Variants in GPANK1 observed in about 807,000 individuals in gnomAD.
The protein encoded by GPANK1 is G patch domain and ankyrin repeat-containing protein 1.
In GPANK1, 22 loss-of-function variants were observed where a neutral mutation model predicts 24.0. The ratio of observed to expected loss-of-function variants is 0.92; its 90% CI spans 0.66 to 1.31. The LOEUF (loss-of-function observed/expected upper bound fraction) is 1.31. Among genes scored for constraint, GPANK1 ranks in the 50% most tolerant of loss-of-function variants. The pLI is 0.00. For missense variants in GPANK1, 469 were observed against 453.5 expected, an observed-to-expected ratio of 1.03 and a Z score of -0.31; for synonymous variants, 174 against 177.4, an observed-to-expected ratio of 0.98 and a Z score of 0.15.
At position 31,662,366 on chromosome 6, in the gene GPANK1, G is replaced by A. The variant is rs759220840; in HGVS notation, c.971C>T (p.Pro324Leu). The A allele has an allele frequency of 4.3e-6, 7 of 1,612,328 alleles. No individual in the cohort carries two copies. The highest frequency in any genetic ancestry group is 5.9e-6 in the Non-Finnish European group (7 of 1,179,638). ...CCTCCAGCTCAGTGTGGCCACCCGA[G>A]GGGGTCTCTCCCTCCCAGCCACAGC... The part of the protein sequence containing the change: ...TRAVAGRERP[P>L]RVATLSWREE... Residue 324 changes from proline (P) to leucine (L), a missense_variant, in exon 3 of 3, where the codon CCT becomes CTT. Coordinates refer to ENST00000375896, the MANE Select transcript of GPANK1 (RefSeq NM_033177.4). The surrounding 1 kb of genome is among the most constrained non-coding windows in gnomAD (Gnocchi z 5.5).
At chr6:31,665,984 G>A, upstream of GPANK1, 1 of 1,014,776 alleles carries the variant, frequency 9.9e-7, no homozygotes, top group Non-Finnish European at 1.2e-6. Context: ...CTCTCATTTA[G>A]CCAGTTTCTT....
chr6:31,666,259 C>T, upstream of GPANK1: 2 of 908,396 alleles, frequency 2.2e-6, no homozygotes, highest in African/African-American at 3.6e-5. Context: ...GGGAGCGGCA[C>T]ATGGGGTCTC....
chr6:31,665,846 C>T, upstream of GPANK1: 1 of 1,151,908 alleles, frequency 8.7e-7, no homozygotes, highest in African/African-American at 1.6e-5. Flanking sequence ...GACTCCCGGG[C>T]CCCGAACGCC....
rs1801253865 is a variant in GPANK1, at chr6:31,663,964, A to AC, written c.514dup (p.Val172GlyfsTer3). 5 of 1,613,652 alleles carry AC rather than the reference A, an allele frequency of 3.1e-6. No individual in the cohort carries two copies. The highest frequency in any genetic ancestry group is 2.7e-5 in the African/African-American group (2 of 74,782). On this transcript the variant is annotated frameshift_variant, in exon 2 of 3. Coordinates refer to ENST00000375896, the MANE Select transcript of GPANK1 (RefSeq NM_033177.4). LOFTEE classifies it high-confidence loss of function. ...CGCATCCCTGCCACTCAGCTCACAG[A>AC]CCCCCACCCAGGCAGCCCCACGGCC...
chr6:31,665,416 G>A (rs1325405848), upstream of GPANK1: 1 of 1,554,390 alleles, frequency 6.4e-7, no homozygotes, highest in Middle Eastern at 1.7e-4. Context: ...TCTGACCAGG[G>A]TTCGAAGGTC....
chr6:31,662,946 G>GT lies in GPANK1; in HGVS notation c.627-237_627-236insA, dbSNP rs1801090237. ...CAGCCTGGGCAAAATGGCAACGCCT[G>GT]CTTTTTTTTTTTTTTTTTTTGAGAT... On this transcript the variant is annotated intron_variant, in intron 2 of 2. Coordinates refer to ENST00000375896, the MANE Select transcript of GPANK1 (RefSeq NM_033177.4). This position sits in a 1 kb window ranked among gnomAD's most constrained non-coding sequence, Gnocchi z 5.5. Among the ~76,000 whole-genome samples the GT allele has an allele frequency of 7.2e-6, 1 of 138,144 alleles. No homozygotes were observed. The highest frequency in any genetic ancestry group is 1.5e-5 in the Non-Finnish European group (1 of 65,044). The allele number at this position is 138,144 out of a possible 152,430, so 90.6% of individuals were successfully genotyped here. A position where few individuals can be genotyped will look rare whatever the true frequency, so the allele number is the denominator to read the frequency against.
upstream of GPANK1, chr6:31,666,283 G>A: frequency 1.3e-6 from 1 of 777,788 alleles, no homozygotes; most frequent in Non-Finnish European, 1.6e-6. Context: ...ACTTTGATGT[G>A]GGGGCGGGGG....
Position 31,661,952 on chromosome 6 carries a change from G to C in GPANK1, c.*314C>G, listed in dbSNP as rs1466230864. ...TCCCAGGAGGGTCTGGGACCTGAAAGTGAACCCAGATTGGCAGGGAGGTGA... is the reference window on the plus strand; with the variant it reads ...TCCCAGGAGGGTCTGGGACCTGAAACTGAACCCAGATTGGCAGGGAGGTGA... On this transcript the variant is annotated 3_prime_UTR_variant, in exon 3 of 3. Transcript: ENST00000375896. The C allele has an allele frequency of 3.1e-6, 1 of 319,608 alleles. No homozygotes were observed. Among genetic ancestry groups the C allele is most frequent in the Non-Finnish European group, 5.7e-6 (1 of 176,604 alleles). 19.8% of individuals were successfully genotyped at this position (319,608 alleles called of 1,614,324 possible). A position where few individuals can be genotyped will look rare whatever the true frequency, so the allele number is the denominator to read the frequency against.
Position 31,664,303 on chromosome 6 carries a change from C to A in GPANK1, c.176G>T (p.Arg59Ile). 2 of 1,614,212 alleles carry A rather than the reference C, an allele frequency of 1.2e-6. No homozygotes were observed. The highest frequency in any genetic ancestry group is 1.7e-6 in the Non-Finnish European group (2 of 1,180,038). Reference protein sequence around the residue: ...GDESSAPDSQRSQTEPARERK... With the variant: ...GDESSAPDSQISQTEPARERK... ...TTCTCTGGCAGGTTCAGTCTGAGAT[C>A]TCTGGGAGTCAGGAGCGCTGCTCTC... Residue 59 changes from arginine to isoleucine, a missense_variant, in exon 2 of 3, where the codon AGA (arginine) becomes ATA (isoleucine). By Grantham distance (97) the Arg-to-Ile change is moderately conservative. Transcript: ENST00000375896.
chr6:31,664,491 A>G lies in GPANK1; in HGVS notation c.-13T>C. On this transcript the variant is annotated 5_prime_UTR_variant, in exon 2 of 3. Coordinates refer to ENST00000375896, the MANE Select transcript of GPANK1 (RefSeq NM_033177.4). Reference sequence around the variant, plus strand: ...AGGGCCGGGACATGGCTTTTGGGAGAACTGAGAAAATGATACCAGGCAAGG... The same window carrying G: ...AGGGCCGGGACATGGCTTTTGGGAGGACTGAGAAAATGATACCAGGCAAGG... 1 of 1,593,470 alleles carries G rather than the reference A, an allele frequency of 6.3e-7. No homozygotes were observed. Among genetic ancestry groups the G allele is most frequent in the Non-Finnish European group, 8.6e-7 (1 of 1,167,390 alleles).
At chr6:31,665,203 T>C, upstream of GPANK1, 1 of 533,508 alleles carries the variant, frequency 1.9e-6, no homozygotes, top group Non-Finnish European at 3.4e-6. Flanking sequence ...AGCACTAGGA[T>C]CTGTCGGTTG....
chr6:31,663,887 C>T lies in GPANK1; in HGVS notation c.592G>A (p.Glu198Lys). 6.3e-7 allele frequency: 1 copy of T among 1,596,632 alleles called. No homozygotes were observed. Among genetic ancestry groups the T allele is most frequent in the Non-Finnish European group, 8.5e-7 (1 of 1,171,090 alleles). The change falls in exon 2 of 3, where the codon GAG (glutamate) becomes AAG (lysine). Residue 198 changes from glutamate (E) to lysine (K), a missense_variant. Coordinates refer to ENST00000375896, the MANE Select transcript of GPANK1 (RefSeq NM_033177.4). Reference sequence around the variant, plus strand: ...GGGCTCCTTGTCTCTCCATGGCTCTCCCTGACCATGCGGGCTACCTCAGGG... The same window carrying T: ...GGGCTCCTTGTCTCTCCATGGCTCTTCCTGACCATGCGGGCTACCTCAGGG... ...GFPEVARMVRESHGETRSPEN... is the reference protein window; with the variant it reads ...GFPEVARMVRKSHGETRSPEN...
Position 31,662,631 on chromosome 6 carries a change from G to A in GPANK1, c.706C>T (p.His236Tyr). The A allele has an allele frequency of 1.2e-6, 2 of 1,612,758 alleles. No homozygotes were observed. Among genetic ancestry groups the A allele is most frequent in the Non-Finnish European group, 1.7e-6 (2 of 1,179,752 alleles). Residue 236 changes from histidine (H) to tyrosine (Y), a missense_variant, in exon 3 of 3, where the codon CAC (histidine) becomes TAC (tyrosine). Coordinates refer to ENST00000375896, the MANE Select transcript of GPANK1 (RefSeq NM_033177.4). The surrounding 1 kb of genome is among the most constrained non-coding windows in gnomAD (Gnocchi z 5.5). ...GGACCCTGCGACAGTGACAGCAGGTGAGCAGTGGATGTGCGGTGGTTGGAA... is the reference window on the plus strand; with the variant it reads ...GGACCCTGCGACAGTGACAGCAGGTAAGCAGTGGATGTGCGGTGGTTGGAA... ...QDSNHRTSTA[H>Y]LLSLSQGPQP...
In GPANK1 at chr6:31,664,843, G is replaced by A. The variant is rs1801424249; in HGVS notation, c.-102C>T. 2 of 272,444 alleles carry A rather than the reference G, an allele frequency of 7.3e-6. No homozygotes were observed. The highest frequency in any genetic ancestry group is 8.4e-5 in the South Asian group (1 of 11,946). The allele number at this position is 272,444 out of a possible 1,614,324, so 16.9% of individuals were successfully genotyped here. ...CTTTCCCACCCCGTAAGACATACCA[G>A]TAGGAAAAAAAAATCAGCCTGGCCC... On this transcript the variant is annotated splice_region_variant and 5_prime_UTR_variant, in exon 1 of 3. Coordinates refer to ENST00000375896, the MANE Select transcript of GPANK1 (RefSeq NM_033177.4).
chr6:31,664,630 C>T (rs1042930428), intron 1 of GPANK1, 53 bp from the exon 2 acceptor site: 2 of 627,130 alleles, frequency 3.2e-6, no homozygotes, highest in African/African-American at 3.7e-5. Context: ...CTAAAGTAAC[C>T]CCACAACTTA....
In GPANK1 at chr6:31,664,181, C is replaced by G; in HGVS notation, c.298G>C (p.Ala100Pro). The change falls in exon 2 of 3, where the codon GCT becomes CCT. Residue 100 changes from alanine (A) to proline (P), a missense_variant. Coordinates refer to ENST00000375896, the MANE Select transcript of GPANK1 (RefSeq NM_033177.4). ...ATCCGGTGAGTCATCTTATCCTCAG[C>G]CTCAAGGGATCTCCCTTGTCCATGT... ...GRHGQGRSLE[A>P]EDKMTHRILR... 6.2e-7 allele frequency: 1 copy of G among 1,614,228 alleles called. No individual in the cohort carries two copies. Among genetic ancestry groups the G allele is most frequent in the Non-Finnish European group, 8.5e-7 (1 of 1,180,030 alleles).
rs1241326916 is a variant in GPANK1 at position 31,664,324 on chromosome 6, C to T, written c.155G>A (p.Ser52Asn). 1.2e-6 allele frequency: 2 copies of T among 1,614,206 alleles called. No homozygotes were observed. Among genetic ancestry groups the T allele is most frequent in the Non-Finnish European group, 1.7e-6 (2 of 1,180,028 alleles). Residue 52 changes from serine (S) to asparagine (N), a missense_variant, in exon 2 of 3, where the codon AGC becomes AAC. Transcript: ENST00000375896. ...AFYEALIGDE[S>N]SAPDSQRSQT... The stretch of plus-strand genomic sequence containing the variant: ...AGATCTCTGGGAGTCAGGAGCGCTG[C>T]TCTCATCCCCAATCAGGGCCTCATA...
chr6:31,664,682 C>T (rs532054758), intron 1 of GPANK1, 105 bp from the exon 2 acceptor site: 2 of 583,216 alleles, frequency 3.4e-6, no homozygotes, highest in South Asian at 4.5e-5. Flanking sequence ...TGCGTAAAAA[C>T]ATGGAACCCT....
chr6:31,664,578 C>A lies in GPANK1; in HGVS notation c.-99-1G>T. 1 of 903,634 alleles carries A rather than the reference C, an allele frequency of 1.1e-6. No homozygotes were observed. Among genetic ancestry groups the A allele is most frequent in the South Asian group, 1.6e-5 (1 of 61,900 alleles). The allele number at this position is 903,634 out of a possible 1,614,324, so 56.0% of individuals were successfully genotyped here. On this transcript the variant is annotated splice_acceptor_variant, in intron 1 of 2. Coordinates refer to ENST00000375896, the MANE Select transcript of GPANK1 (RefSeq NM_033177.4). LOFTEE classifies it low-confidence loss of function (5UTR_SPLICE). ...CTGTAGCAACCACAGCCTCAGAGAC[C>A]TGCTGGGATGAGAAAAAGTAGTCAA...
Sources: gnomAD v4.1 joint callset for allele counts (sites outside exome capture counted in the v4.1 genomes callset) on GRCh38, gnomAD v4.1.1 for gene constraint, Gnocchi (gnomAD v3.1) non-coding constraint, MANE v1.5 for transcripts, NCBI Gene and HGNC (gene_info 2026-07-23, HGNC 2026-07-21) for gene names.